Variants in NCKAP5 observed in about 807,000 individuals in gnomAD.
NCKAP5 encodes the protein NCK associated protein 5.
Under a neutral mutation model 167.0 loss-of-function variants are expected in NCKAP5, and 92 were observed. The observed-to-expected ratio is 0.55, with a 90% CI of 0.47 to 0.66. The LOEUF is 0.66. Among genes scored for constraint, NCKAP5 ranks in the 30% least tolerant of loss-of-function variants. The probability of loss-of-function intolerance (pLI) is 0.00; values close to 1 mark genes in which losing one functional copy is unlikely to be tolerated. For missense variants in NCKAP5, 2,378 were observed against 2,315.0 expected (o/e 1.03, Z -0.56); for synonymous variants, 891 against 877.4 (o/e 1.02, Z -0.27).
At chr2:132,944,732 G>T (rs1476260764) in intron 8 of NCKAP5, among the ~76,000 whole-genome samples, 1 of 152,144 alleles carries the variant, frequency 6.6e-6, no homozygotes, top group Non-Finnish European at 1.5e-5. Context: ...TCTATGCTTT[G>T]TCCTGAAAGA....
chr2:133,184,513 CTGTTT>C (rs1474866736), intron 5 of NCKAP5, among the ~76,000 whole-genome samples: 1 of 152,060 alleles, frequency 6.6e-6, no homozygotes, highest in Middle Eastern at 3.2e-3. Context: ...CAATGGCAAT[CTGTTT>C]TATGTTCTTT....
Position 132,790,035 on chromosome 2 carries a change from G to A in NCKAP5, c.1080C>T (p.Asn360=). 1.2e-6 allele frequency: 2 copies of A among 1,612,330 alleles called. No homozygotes were observed. Among genetic ancestry groups the A allele is most frequent in the Non-Finnish European group, 1.7e-6 (2 of 1,179,114 alleles). Residue 360 remains asparagine (N), a synonymous_variant, in exon 13 of 20, where the codon AAC becomes AAT. Transcript: ENST00000409261. ...GSSYTWHDGK[N]LRKRQSSQNW... ...CACAGTGCCTTACCCTTTTCCTGAG[G>A]TTCTTCCCATCGTGCCACGTGTAGG...
intron 5 of NCKAP5, among the ~76,000 whole-genome samples, chr2:133,206,352 T>A (rs1020186283): frequency 6.6e-6 from 1 of 152,202 alleles, no homozygotes; most frequent in Non-Finnish European, 1.5e-5. Flanking sequence ...GAAGATTTCA[T>A]GGACATTTAT....
At chr2:133,277,515 G>T (rs2150444219) in intron 4 of NCKAP5, among the ~76,000 whole-genome samples, 1 of 152,216 alleles carries the variant, frequency 6.6e-6, no homozygotes, top group African/African-American at 2.4e-5. Context: ...AAAAATAGAT[G>T]TGAAGTAATA....
chr2:132,973,249 G>A (rs116376975), intron 7 of NCKAP5, among the ~76,000 whole-genome samples: 1,820 of 152,250 alleles, frequency 0.012, 27 homozygotes, highest in African/African-American at 0.035. Context: ...ATCACACTCG[G>A]ACACACCTTG....
intron 5 of NCKAP5, among the ~76,000 whole-genome samples, chr2:133,196,666 C>T (rs923317405): frequency 6.6e-6 from 1 of 152,130 alleles, no homozygotes; most frequent in Admixed American, 6.5e-5. Context: ...CCATTTTTCA[C>T]CGCCTGGTAT....
intron 3 of NCKAP5, among the ~76,000 whole-genome samples, chr2:133,307,994 G>A (rs964635814): frequency 8.8e-6 from 1 of 113,886 alleles, no homozygotes; most frequent in Non-Finnish European, 2.0e-5. Context: ...ATGGGCAGAA[G>A]GAGGACAAGA....
At chr2:133,245,895 GGAA>G (rs747719063) in intron 4 of NCKAP5, among the ~76,000 whole-genome samples, 11,395 of 112,502 alleles carry the variant, frequency 0.1, 515 homozygotes, top group African/African-American at 0.15. Flanking sequence ...GATTTGATCA[GGAA>G]AAAAAAAAAA....
intron 8 of NCKAP5, among the ~76,000 whole-genome samples, chr2:132,890,241 G>A (rs968761346): frequency 6.6e-6 from 1 of 152,108 alleles, no homozygotes; most frequent in Non-Finnish European, 1.5e-5. Context: ...GCTTTATGAT[G>A]GCCAGCCTGT....
chr2:132,774,590 T>C (rs1682386416), intron 15 of NCKAP5, among the ~76,000 whole-genome samples: 1 of 152,130 alleles, frequency 6.6e-6, no homozygotes, highest in Non-Finnish European at 1.5e-5. Context: ...AGTTCCAGTA[T>C]TTTACAGATG....
Position 132,784,301 on chromosome 2 carries a change from G to T in NCKAP5, c.2510C>A (p.Pro837Gln), listed in dbSNP as rs752890980. The T allele has an allele frequency of 1.2e-6, 2 of 1,613,892 alleles. No homozygotes were observed. The highest frequency in any genetic ancestry group is 1.7e-6 in the Non-Finnish European group (2 of 1,179,858). ...SSGLVTLEKS[P>Q]ALAPGKLSRF... ...TGAGAGTTTCCCAGGAGCTAAGGCT[G>T]GTGATTTTTCAAGAGTCACCAGGCC... is the stretch of plus-strand genomic sequence containing the variant. Residue 837 changes from proline to glutamine, a missense_variant, in exon 14 of 20, where the codon CCA becomes CAA. Transcript: ENST00000409261.
chr2:133,416,555 T>G (rs1297621252), intron 3 of NCKAP5, among the ~76,000 whole-genome samples: 2 of 152,172 alleles, frequency 1.3e-5, no homozygotes, highest in Non-Finnish European at 2.9e-5. Context: ...AAGGCTCTAG[T>G]TCTGAAAGAT....
At chr2:133,077,539 A>T (rs559749750) in intron 6 of NCKAP5, among the ~76,000 whole-genome samples, 5 of 152,272 alleles carry the variant, frequency 3.3e-5, no homozygotes, top group African/African-American at 1.2e-4. Flanking sequence ...GAAACTTCTC[A>T]CTACTTACTG....
chr2:133,310,805 G>A (rs763372216), intron 3 of NCKAP5, among the ~76,000 whole-genome samples: 3 of 152,198 alleles, frequency 2.0e-5, no homozygotes, highest in Non-Finnish European at 2.9e-5. Context: ...CCAGGCTCAT[G>A]AGAGAATCTG....
the NCKAP5 span, among the ~76,000 whole-genome samples, chr2:133,657,523 T>C: frequency 7.2e-5 from 11 of 152,190 alleles, no homozygotes; most frequent in Non-Finnish European, 1.3e-4. Context: ...TGCCTGTAAT[T>C]TCCAATGACT....
chr2:133,151,383 C>A (rs951495251), intron 5 of NCKAP5, among the ~76,000 whole-genome samples: 6 of 151,988 alleles, frequency 3.9e-5, no homozygotes, highest in Non-Finnish European at 7.4e-5. Context: ...TGGAAAAAAT[C>A]TTTGCATAAG....
chr2:133,376,625 A>T (rs927065577), intron 3 of NCKAP5, among the ~76,000 whole-genome samples: 1 of 152,172 alleles, frequency 6.6e-6, no homozygotes, highest in African/African-American at 2.4e-5. Context: ...AATCTTTCTA[A>T]AACACAGACT....
chr2:133,043,537 A>G (rs1299369894), intron 6 of NCKAP5, among the ~76,000 whole-genome samples: 1 of 152,168 alleles, frequency 6.6e-6, no homozygotes, highest in African/African-American at 2.4e-5. Flanking sequence ...AAATTGCAAA[A>G]AAAACTCATT....
chr2:133,318,216 G>C (rs1464925439), intron 3 of NCKAP5, among the ~76,000 whole-genome samples: 1 of 152,182 alleles, frequency 6.6e-6, no homozygotes, highest in African/African-American at 2.4e-5. Context: ...GGTTTAAGAA[G>C]ATGGAGAGAA....
Sources: allele counts gnomAD v4.1 joint callset (sites outside exome capture counted in the v4.1 genomes callset), GRCh38; gene constraint gnomAD v4.1.1; transcripts MANE v1.5; gene names NCBI Gene and HGNC (gene_info 2026-07-23, HGNC 2026-07-21).